Variants in BBS7 observed in about 807,000 individuals in gnomAD.
BBS7 encodes the protein BBSome complex member BBS7.
A neutral mutation model predicts 90.3 loss-of-function variants in BBS7; 50 were observed. The observed-to-expected ratio is 0.55, with a 90% CI of 0.44 to 0.70. The LOEUF (loss-of-function observed/expected upper bound fraction) is 0.70. Among genes scored for constraint, BBS7 ranks in the 30% least tolerant of loss-of-function variants. The probability of loss-of-function intolerance (pLI) is 0.00; values close to 1 mark genes in which losing one functional copy is unlikely to be tolerated. For missense variants in BBS7, 729 were observed against 838.9 expected (o/e 0.87, Z 1.62); for synonymous variants, 235 against 287.4 (o/e 0.82, Z 1.85).
At chr4:121,829,168 A>T (rs1460294561) in intron 15 of BBS7, among the ~76,000 whole-genome samples, 1 of 152,102 alleles carries the variant, frequency 6.6e-6, no homozygotes, top group Non-Finnish European at 1.5e-5. Flanking sequence ...AATATGAAAG[A>T]GTGACATCTG....
chr4:121,848,554 T>G (rs982757187), intron 9 of BBS7, among the ~76,000 whole-genome samples: 1 of 152,238 alleles, frequency 6.6e-6, no homozygotes, highest in Admixed American at 6.5e-5. Context: ...GTAAGCATAT[T>G]GTTATAATTG....
rs1461442679 is a variant in BBS7, at chr4:121,867,640, T to C, written c.102+341A>G. Among the ~76,000 whole-genome samples, 5 of 152,194 alleles carry C rather than the reference T, an allele frequency of 3.3e-5. No individual in the cohort carries two copies. The South Asian group carries it at 1.0e-3, about 31-fold the overall frequency. On this transcript the variant is annotated intron_variant, in intron 2 of 18. Coordinates refer to ENST00000264499, the MANE Select transcript of BBS7 (RefSeq NM_176824.3). ...TACAGTTTAACATCAAAATATTTAA[T>C]GACTTTAAAATATGAGAAAGTTTAA...
At chr4:121,828,811 A>G (rs1311238705) in intron 15 of BBS7, 83 bp from the exon 16 acceptor site, 13 of 832,032 alleles carry the variant, frequency 1.6e-5, no homozygotes, top group Non-Finnish European at 2.4e-5. Context: ...TAGTACTTAG[A>G]GTATAGATTT....
At position 121,845,529 on chromosome 4, in the gene BBS7, G is replaced by A; in HGVS notation, c.1205C>T (p.Thr402Ile). Residue 402 changes from threonine (T) to isoleucine (I), a missense_variant, in exon 11 of 19, where the codon ACT becomes ATT. By Grantham distance (89) the Thr-to-Ile change is moderately conservative. Coordinates refer to ENST00000264499, the MANE Select transcript of BBS7 (RefSeq NM_176824.3). ...CTGTATTAAGACATTATCTATTGCA[G>A]TCTGTACCTCTAAGATAAGGCTGTA... Reference protein sequence around the residue: ...ASYSLILEVQTAIDNVLIQSD... With the variant: ...ASYSLILEVQIAIDNVLIQSD... 1 of 1,612,144 alleles carries A rather than the reference G, an allele frequency of 6.2e-7. No homozygotes were observed. Among genetic ancestry groups the A allele is most frequent in the Non-Finnish European group, 8.5e-7 (1 of 1,179,170 alleles).
intron 5 of BBS7, among the ~76,000 whole-genome samples, chr4:121,855,911 T>C (rs1048623890): frequency 1.5e-5 from 2 of 129,816 alleles, no homozygotes; most frequent in Non-Finnish European, 3.1e-5. Flanking sequence ...TGTATATATG[T>C]ATATATGTGT....
intron 8 of BBS7, among the ~76,000 whole-genome samples, chr4:121,850,770 C>CA (rs1726275037): frequency 1.3e-5 from 2 of 152,252 alleles, no homozygotes; most frequent in South Asian, 4.1e-4. Flanking sequence ...AAGGAAGGGA[C>CA]ACTAGCATTA....
chr4:121,824,864 A>G lies in BBS7; in HGVS notation c.*996T>C, dbSNP rs886059049. On this transcript the variant is annotated 3_prime_UTR_variant, in exon 19 of 19. Coordinates refer to ENST00000264499, the MANE Select transcript of BBS7 (RefSeq NM_176824.3). This position sits in a 1 kb window ranked among gnomAD's most constrained non-coding sequence, Gnocchi z 4.1. Reference sequence around the variant, plus strand: ...ATCATTAAGAAGCACTGTTTTCTAAAAAATTCGTGAGTCTGCCCTTCTTGA... The same window carrying G: ...ATCATTAAGAAGCACTGTTTTCTAAGAAATTCGTGAGTCTGCCCTTCTTGA... 1.3e-5 allele frequency: 2 copies of G among 152,164 alleles called. No homozygotes were observed. The highest frequency in any genetic ancestry group is 6.5e-5 in the Admixed American group (1 of 15,268). 9.4% of individuals were successfully genotyped at this position (152,164 alleles called of 1,614,324 possible). A position where few individuals can be genotyped will look rare whatever the true frequency, so the allele number is the denominator to read the frequency against.
At position 121,828,641 on chromosome 4, in the gene BBS7, T is replaced by G; in HGVS notation, c.1764A>C (p.Lys588Asn). 6.2e-7 allele frequency: 1 copy of G among 1,605,152 alleles called. No homozygotes were observed. The highest frequency in any genetic ancestry group is 1.7e-5 in the Admixed American group (1 of 59,952). The change falls in exon 16 of 19, where the codon AAA (lysine) becomes AAC (asparagine). Residue 588 changes from lysine (K) to asparagine (N), a missense_variant. Lys to Asn is a moderately conservative substitution (Grantham distance 94). Coordinates refer to ENST00000264499, the MANE Select transcript of BBS7 (RefSeq NM_176824.3). ...DVLSKEATKRKINLNISYEIN... is the reference protein window; with the variant it reads ...DVLSKEATKRNINLNISYEIN... ...TACCGTATGATATGTTGAGGTTAAT[T>G]TTCCTTTTTGTAGCTTCTTTAGAAA...
chr4:121,826,558 G>C (rs1724917667), intron 18 of BBS7, among the ~76,000 whole-genome samples: 1 of 152,170 alleles, frequency 6.6e-6, no homozygotes, highest in African/African-American at 2.4e-5. Flanking sequence ...TCCTATTTTA[G>C]GAAGATAATG....
intron 8 of BBS7, among the ~76,000 whole-genome samples, chr4:121,849,722 C>T (rs547603762): frequency 1.2e-3 from 180 of 152,074 alleles, no homozygotes; most frequent in African/African-American, 4.2e-3. Context: ...CCCAGCTACT[C>T]GGGAGACTGA....
intron 14 of BBS7, among the ~76,000 whole-genome samples, chr4:121,834,316 A>T (rs867902390): frequency 2.9e-4 from 44 of 152,216 alleles, no homozygotes; most frequent in African/African-American, 8.9e-4. Flanking sequence ...TTTCTAGCAT[A>T]CCATGCTGCC....
chr4:121,863,341 T>C (rs1727088357), intron 2 of BBS7, 62 bp from the exon 3 acceptor site: 2 of 1,376,682 alleles, frequency 1.5e-6, no homozygotes, highest in African/African-American at 1.4e-5. Flanking sequence ...AATAATTATA[T>C]ACAGGGAAAG....
intron 7 of BBS7, 113 bp downstream of exon 7, chr4:121,854,591 T>C: frequency 1.0e-6 from 1 of 997,476 alleles, no homozygotes; most frequent in East Asian, 3.1e-5. Context: ...AATCAAGGTG[T>C]GAATTGCTAA....
chr4:121,863,188 A>G (rs1445240985), intron 3 of BBS7, 29 bp downstream of exon 3: 1 of 1,607,890 alleles, frequency 6.2e-7, no homozygotes, highest in African/African-American at 1.3e-5. Context: ...TTAGAAAACC[A>G]TTTTTCCCCT....
intron 10 of BBS7, among the ~76,000 whole-genome samples, chr4:121,846,882 C>T (rs1726036156): frequency 6.6e-6 from 1 of 152,200 alleles, no homozygotes; most frequent in Non-Finnish European, 1.5e-5. Flanking sequence ...TTGTATGAAG[C>T]ACCTTTATTG....
chr4:121,869,022 G>C (rs1055024235), intron 1 of BBS7, among the ~76,000 whole-genome samples: 1 of 152,188 alleles, frequency 6.6e-6, no homozygotes, highest in East Asian at 1.9e-4. Flanking sequence ...GGCTTGGAGG[G>C]AGATGAAGCT....
intron 12 of BBS7, among the ~76,000 whole-genome samples, chr4:121,842,132 G>T (rs1314830176): frequency 6.6e-6 from 1 of 151,228 alleles, no homozygotes; most frequent in Non-Finnish European, 1.5e-5. Context: ...TGTGCGTGTA[G>T]TCCCAGCTAC....
At chr4:121,847,594 T>C (rs1397256566) in intron 9 of BBS7, 88 bp from the exon 10 acceptor site, 5 of 909,026 alleles carry the variant, frequency 5.5e-6, no homozygotes, top group East Asian at 4.8e-5. Flanking sequence ...AACTCCAATG[T>C]ACATGCCCCT....
intron 1 of BBS7, 114 bp from the exon 2 acceptor site, chr4:121,868,160 GTAAT>G (rs1727387574): frequency 1.1e-5 from 9 of 823,828 alleles, no homozygotes; most frequent in Middle Eastern, 2.2e-4. Flanking sequence ...ACTATTATCA[GTAAT>G]TAATTTATTT....
Sources: gnomAD v4.1 joint callset for allele counts (sites outside exome capture counted in the v4.1 genomes callset) on GRCh38, gnomAD v4.1.1 for gene constraint, Gnocchi (gnomAD v3.1) non-coding constraint, MANE v1.5 for transcripts, NCBI Gene and HGNC (gene_info 2026-07-23, HGNC 2026-07-21) for gene names.